The following ZAN variants were observed in gnomAD, a reference collection of about 807,000 sequenced individuals.
The protein encoded by ZAN is zonadhesin, also known as zonadhesin (gene/pseudogene).
In ZAN, 260 loss-of-function variants were observed where a neutral mutation model predicts 286.2. The observed-to-expected ratio is 0.91, with a 90% CI of 0.82 to 1.01. The LOEUF is 1.01. Among genes scored for constraint, ZAN ranks in the 50% least tolerant of loss-of-function variants. ZAN has a pLI of 0.00. For missense variants in ZAN, 3,410 were observed against 3,639.2 expected (o/e 0.94, Z 1.62); for synonymous variants, 1,368 against 1,417.5 (o/e 0.97, Z 0.79).
Position 100,776,478 on chromosome 7 carries a change from G to C in ZAN, c.6231G>C (p.Glu2077Asp). 4 of 1,602,794 alleles carry C rather than the reference G, an allele frequency of 2.5e-6. No individual in the cohort carries two copies. Among genetic ancestry groups the C allele is most frequent in the Non-Finnish European group, 3.4e-6 (4 of 1,174,658 alleles). Residue 2077 changes from glutamate to aspartate, a missense_variant, in exon 34 of 48, where the codon GAG (glutamate) becomes GAC (aspartate). This residue lies in a region of ZAN where 1,289 missense variants were observed against 1,314.3 expected (regional missense o/e 0.98). Coordinates refer to ENST00000613979, the MANE Select transcript of ZAN (RefSeq NM_003386.3). ...GTGGGAACTTCAATGATGAGGAAGA[G>C]GACGAACTAATGATGCCCAGCGATG... ...GMCGNFNDEE[E>D]DELMMPSDEV...
chr7:100,767,685 C>A, intron 25 of ZAN, 146 bp from the exon 26 acceptor site: 1 of 912,618 alleles, frequency 1.1e-6, no homozygotes, highest in Non-Finnish European at 1.6e-6. Context: ...CTCCATGTTG[C>A]CCAGGCTGAT....
At chr7:100,735,230 T>C (rs1373550362) in intron 2 of ZAN, among the ~76,000 whole-genome samples, 1 of 133,858 alleles carries the variant, frequency 7.5e-6, no homozygotes, top group East Asian at 2.1e-4. Flanking sequence ...TGTCCTGCAG[T>C]GTGTTTGGGA....
At chr7:100,796,651 G>T (rs1006415627) in intron 45 of ZAN, among the ~76,000 whole-genome samples, 1 of 152,144 alleles carries the variant, frequency 6.6e-6, no homozygotes, top group African/African-American at 2.4e-5. Flanking sequence ...CCTGACCTCA[G>T]GTGATCCTGC....
At chr7:100,747,242 C>A (rs1428789583) in intron 8 of ZAN, among the ~76,000 whole-genome samples, 2 of 150,134 alleles carry the variant, frequency 1.3e-5, no homozygotes, top group East Asian at 4.0e-4. Flanking sequence ...CAAAAATTAG[C>A]CAGGTGTGGT....
chr7:100,789,805 T>A (rs1205125117), intron 39 of ZAN, among the ~76,000 whole-genome samples: 1 of 150,572 alleles, frequency 6.6e-6, no homozygotes, highest in Non-Finnish European at 1.5e-5. Flanking sequence ...ATTAGCTGGG[T>A]GTGGTGGTGG....
Position 100,752,952 on chromosome 7 carries a change from C to T in ZAN, c.2847C>T (p.Thr949=), listed in dbSNP as rs1461976579. 1 of 1,610,694 alleles carries T rather than the reference C, an allele frequency of 6.2e-7. No homozygotes were observed. The highest frequency in any genetic ancestry group is 2.2e-5 in the East Asian group (1 of 44,646). The change falls in exon 14 of 48, where the codon ACC becomes ACT. Residue 949 remains threonine (T), a synonymous_variant. Transcript: ENST00000613979. ...EKLTIPTEKP[T]ISPEKLTIPT... is the part of the protein sequence containing the mutation. ...TCACCATCCCCACAGAAAAACCCAC[C>T]ATCTCCCCAGAAAAACTCACCATCC...
intron 42 of ZAN, among the ~76,000 whole-genome samples, chr7:100,792,982 C>CAAAAAAAAAAAAAAAA (rs1232116032): frequency 8.3e-4 from 42 of 50,828 alleles, no homozygotes; most frequent in African/African-American, 2.1e-3. Flanking sequence ...CATCCTATCT[C>CAAAAAAAAAAAAAAAA]AAAAAAAAAA....
At chr7:100,744,706 AG>A (rs1370042315) in intron 7 of ZAN, among the ~76,000 whole-genome samples, 2 of 151,548 alleles carry the variant, frequency 1.3e-5, no homozygotes, top group African/African-American at 4.9e-5. Flanking sequence ...CTCAGCATTT[AG>A]CACCGTGTAC....
At chr7:100,753,701 C>T (rs934265387) in intron 14 of ZAN, among the ~76,000 whole-genome samples, 4 of 151,290 alleles carry the variant, frequency 2.6e-5, no homozygotes, top group Non-Finnish European at 2.9e-5. Context: ...GGTGTGGTGG[C>T]GCACGCCTGT....
At chr7:100,795,145 T>C (rs950803699) in intron 44 of ZAN, 51 bp from the exon 45 acceptor site, 47 of 1,567,914 alleles carry the variant, frequency 3.0e-5, no homozygotes, top group Non-Finnish European at 3.9e-5. Flanking sequence ...TTCCCTCAGC[T>C]GGGAGTGTCC....
chr7:100,748,529 G>T, intron 11 of ZAN, 59 bp downstream of exon 11: 1 of 1,553,964 alleles, frequency 6.4e-7, no homozygotes, highest in South Asian at 1.2e-5. Flanking sequence ...CCAGGTAGCA[G>T]GCTGGCTGCT....
At chr7:100,749,128 T>C (rs1377509235) in intron 11 of ZAN, among the ~76,000 whole-genome samples, 2 of 146,332 alleles carry the variant, frequency 1.4e-5, no homozygotes, top group Non-Finnish European at 3.0e-5. Context: ...TCACTTGAGG[T>C]CAGGAGTTCG....
chr7:100,792,672 T>C, intron 42 of ZAN, 193 bp downstream of exon 42: 1 of 1,354,098 alleles, frequency 7.4e-7, no homozygotes, highest in Non-Finnish European at 9.6e-7. Flanking sequence ...ATTTCTGCCT[T>C]AGTCCCAGGT....
intron 19 of ZAN, 30 bp from the exon 20 acceptor site, chr7:100,762,185 T>C (rs768984874): frequency 1.2e-6 from 2 of 1,610,610 alleles, no homozygotes; most frequent in East Asian, 4.5e-5. Context: ...CTTCTCTCCA[T>C]TAACGCCAGC....
chr7:100,772,547 C>T (rs1048662158), intron 29 of ZAN, among the ~76,000 whole-genome samples: 11 of 151,980 alleles, frequency 7.2e-5, no homozygotes, highest in East Asian at 2.0e-4. Flanking sequence ...TGTTGCCGGG[C>T]GCGGTGGCTC....
chr7:100,778,804 G>A (rs556923710), intron 34 of ZAN, among the ~76,000 whole-genome samples: 9 of 152,008 alleles, frequency 5.9e-5, no homozygotes, highest in African/African-American at 1.7e-4. Flanking sequence ...AGGCCGAGGC[G>A]GGTGGATCAC....
Position 100,736,367 on chromosome 7 carries a change from CT to C in ZAN, c.107-115del, listed in dbSNP as rs1807291463. 3 of 1,211,714 alleles carry C rather than the reference CT, an allele frequency of 2.5e-6. 1 individual carries two copies. The highest frequency in any genetic ancestry group is 3.6e-6 in the Non-Finnish European group (3 of 827,960). 75.1% of individuals were successfully genotyped at this position (1,211,714 alleles called of 1,614,324 possible). ...TACAGGTGTGCGCCACCACACCCGG[CT>C]GATTTCATGGCAGCTTTCTCTAAGT... On this transcript the variant is annotated intron_variant, in intron 3 of 47. Transcript: ENST00000613979.
chr7:100,764,637 C>T (rs1276807541), intron 22 of ZAN, among the ~76,000 whole-genome samples: 2 of 149,374 alleles, frequency 1.3e-5, no homozygotes, highest in African/African-American at 4.9e-5. Flanking sequence ...TGCAGTGAGC[C>T]GAGATTGCAC....
chr7:100,783,783 T>TATATATATATACACACAC (rs377402352), intron 35 of ZAN, among the ~76,000 whole-genome samples: 27 of 20,472 alleles, frequency 1.3e-3, no homozygotes, highest in African/African-American at 3.4e-3. Flanking sequence ...TATATATATA[T>TATATATATATACACACAC]ACACATATAT....
Sources: allele counts gnomAD v4.1 joint callset (sites outside exome capture counted in the v4.1 genomes callset), GRCh38; gene constraint gnomAD v4.1.1; regional missense constraint gnomAD v4.1.1; transcripts MANE v1.5; gene names NCBI Gene and HGNC (gene_info 2026-07-23, HGNC 2026-07-21).